The following SPMIP7 variants were observed in gnomAD, a reference collection of about 807,000 sequenced individuals.
The protein encoded by SPMIP7 is protein SPMIP7.
the SPMIP7 span, among the ~76,000 whole-genome samples, chr7:50,150,867 G>T: frequency 6.6e-6 from 1 of 152,190 alleles, no homozygotes; most frequent in Non-Finnish European, 1.5e-5. Context: ...AGAAGAGTCA[G>T]TGGAATTCAA....
At chr7:50,158,545 C>G in the SPMIP7 span, among the ~76,000 whole-genome samples, 3 of 150,914 alleles carry the variant, frequency 2.0e-5, no homozygotes, top group African/African-American at 7.3e-5. Context: ...CATGTCTCCT[C>G]TTGGCCGCTG....
At chr7:50,144,991 G>A in the SPMIP7 span, among the ~76,000 whole-genome samples, 1 of 151,932 alleles carries the variant, frequency 6.6e-6, no homozygotes, top group South Asian at 2.1e-4. Context: ...GCCTGGCACG[G>A]TGGCTCACAC....
chr7:50,148,333 A>G, the SPMIP7 span, among the ~76,000 whole-genome samples: 15 of 152,366 alleles, frequency 9.8e-5, no homozygotes, highest in South Asian at 8.3e-4. Context: ...AATGTAACAT[A>G]TGATACCATT....
At chr7:50,157,051 CAA>C in the SPMIP7 span, among the ~76,000 whole-genome samples, 1,295 of 152,250 alleles carry the variant, frequency 8.5e-3, 20 homozygotes, top group African/African-American at 0.028. Flanking sequence ...GGAAGGGGGA[CAA>C]GAGAGAGGCC....
the SPMIP7 span, among the ~76,000 whole-genome samples, chr7:50,111,459 C>T: frequency 1.2e-4 from 18 of 152,234 alleles, no homozygotes; most frequent in East Asian, 3.5e-3. Context: ...GGGTTCTCTA[C>T]CTGGCTGGCA....
chr7:50,158,028 G>T, the SPMIP7 span, among the ~76,000 whole-genome samples: 1 of 152,126 alleles, frequency 6.6e-6, no homozygotes, highest in African/African-American at 2.4e-5. Flanking sequence ...AAATACACTG[G>T]CAGAGCCAGT....
the SPMIP7 span, chr7:50,117,333 G>T: frequency 1.4e-5 from 6 of 429,830 alleles, no homozygotes; most frequent in African/African-American, 6.2e-5. Flanking sequence ...TATTTTAATT[G>T]TTTAAAAGCG....
the SPMIP7 span, among the ~76,000 whole-genome samples, chr7:50,156,785 C>A: frequency 6.6e-6 from 1 of 152,124 alleles, no homozygotes; most frequent in South Asian, 2.1e-4. Context: ...CCCCGCAGTG[C>A]TGGCCTCTCC....
At chr7:50,121,810 T>A in the SPMIP7 span, among the ~76,000 whole-genome samples, 1 of 139,240 alleles carries the variant, frequency 7.2e-6, no homozygotes, top group Non-Finnish European at 1.5e-5. Context: ...CTTGCCATCA[T>A]GCCCAGCTAA....
the SPMIP7 span, among the ~76,000 whole-genome samples, chr7:50,150,234 T>C: frequency 6.6e-6 from 1 of 152,090 alleles, no homozygotes; most frequent in African/African-American, 2.4e-5. Flanking sequence ...CCCACAGAGG[T>C]TTGCTTGTTG....
chr7:50,096,486 G>A, the SPMIP7 span: 11 of 1,551,598 alleles, frequency 7.1e-6, no homozygotes, highest in African/African-American at 1.4e-5. Flanking sequence ...GTGGATTTTA[G>A]TGATGTGAAA....
chr7:50,098,981 C>T, the SPMIP7 span, among the ~76,000 whole-genome samples: 2 of 152,176 alleles, frequency 1.3e-5, no homozygotes, highest in Non-Finnish European at 2.9e-5. Flanking sequence ...CATTAAACAA[C>T]CCCCTATTTC....
the SPMIP7 span, chr7:50,129,650 G>T: frequency 2.8e-6 from 3 of 1,077,842 alleles, no homozygotes; most frequent in South Asian, 2.9e-5. Context: ...AAAACATGAT[G>T]ACTAGAAAAC....
chr7:50,136,138 T>C, the SPMIP7 span: 2 of 1,551,450 alleles, frequency 1.3e-6, no homozygotes, highest in Non-Finnish European at 1.7e-6. Context: ...ACAAGATCTT[T>C]CTTGGCACCA....
chr7:50,149,685 G>A, the SPMIP7 span, among the ~76,000 whole-genome samples: 3 of 152,258 alleles, frequency 2.0e-5, no homozygotes, highest in Admixed American at 2.0e-4. Flanking sequence ...TAGTCTCTGG[G>A]TGTCCTTGAT....
chr7:50,107,073 T>C, the SPMIP7 span, among the ~76,000 whole-genome samples: 1 of 151,014 alleles, frequency 6.6e-6, no homozygotes, highest in Admixed American at 6.6e-5. Context: ...CCCATCTCTA[T>C]TAAAAATACA....
At chr7:50,098,809 A>G in the SPMIP7 span, among the ~76,000 whole-genome samples, 1 of 144,482 alleles carries the variant, frequency 6.9e-6, no homozygotes, top group African/African-American at 2.6e-5. Context: ...ATAACATCAC[A>G]TTGGGAGTTA....
chr7:50,125,227 CACATATATATACACATATAT>C, the SPMIP7 span, among the ~76,000 whole-genome samples: 15 of 84,736 alleles, frequency 1.8e-4, no homozygotes, highest in South Asian at 4.8e-3. Flanking sequence ...CACATATATA[CACATATATATACACATATAT>C]ACACATATAT....
At chr7:50,145,136 G>A in the SPMIP7 span, among the ~76,000 whole-genome samples, 7 of 151,758 alleles carry the variant, frequency 4.6e-5, no homozygotes, top group East Asian at 2.0e-4. Context: ...GGTGGTGAGC[G>A]CCTGTAATCC....
Sources: gnomAD v4.1 joint callset for allele counts (sites outside exome capture counted in the v4.1 genomes callset) on GRCh38, gnomAD v4.1.1 for gene constraint, MANE v1.5 for transcripts, NCBI Gene and HGNC (gene_info 2026-07-23, HGNC 2026-07-21) for gene names.